The following WIPI2 variants were observed in gnomAD, a reference collection of about 807,000 sequenced individuals.
WIPI2 encodes the protein WD repeat domain, phosphoinositide interacting 2.
A neutral mutation model predicts 52.3 loss-of-function variants in WIPI2; 28 were observed. The observed-to-expected ratio is 0.54, with a 90% CI of 0.40 to 0.73. WIPI2 has a LOEUF of 0.73. Among genes scored for constraint, WIPI2 ranks in the 30% least tolerant of loss-of-function variants. The pLI is 0.00. For synonymous variants in WIPI2, 268 were observed against 245.0 expected (o/e 1.09, Z -0.88); for missense variants, 506 against 602.9 (o/e 0.84, Z 1.68).
chr7:5,200,857 A>T (rs4526271), intron 3 of WIPI2, among the ~76,000 whole-genome samples: 3 of 152,082 alleles, frequency 2.0e-5, no homozygotes, highest in Admixed American at 6.5e-5. Context: ...GCAAGTACCC[A>T]GGCCCTTTGC....
At chr7:5,226,026 C>T (rs536882763) in intron 9 of WIPI2, 96 bp downstream of exon 9, 4 of 1,232,580 alleles carry the variant, frequency 3.2e-6, no homozygotes, top group Non-Finnish European at 3.4e-6. Flanking sequence ...CGCCCACCCT[C>T]TGACATCGTT....
intron 4 of WIPI2, chr7:5,216,170 C>A (rs942151560): frequency 4.0e-5 from 7 of 173,446 alleles, no homozygotes; most frequent in Non-Finnish European, 6.3e-5. Context: ...GCATGGTGTT[C>A]TAGAAGGAAC....
chr7:5,200,453 G>A (rs896883271), intron 3 of WIPI2, among the ~76,000 whole-genome samples: 3 of 152,152 alleles, frequency 2.0e-5, no homozygotes, highest in Admixed American at 2.0e-4. Context: ...CAAAGCCCCA[G>A]TGTAATATCA....
At position 5,217,552 on chromosome 7, in the gene WIPI2, C is replaced by A. The variant is rs186916571; in HGVS notation, c.576+365C>A. On this transcript the variant is annotated intron_variant, in intron 6 of 12. Coordinates refer to ENST00000288828, the MANE Select transcript of WIPI2 (RefSeq NM_015610.4). ...CCTTAAGCCATCCTCCCGCCTCGGC[C>A]CCCTAAAGTGCTGGGACTACAGGCG... The A allele has an allele frequency of 1.5e-4, 60 of 397,470 alleles. No individual in the cohort carries two copies. In the Middle Eastern group the frequency reaches 3.1e-3, roughly 21 times the overall value. The allele number at this position is 397,470 out of a possible 1,614,324, so 24.6% of individuals were successfully genotyped here.
rs1158859639 is a variant in WIPI2 at position 5,216,552 on chromosome 7, C to T, written c.382-11C>T. ...TGCTTCACGTTTGGTTTCGTTTTGT[C>T]TCTCGCCTAGAGGCTGATAGTATGC... On this transcript the variant is annotated splice_polypyrimidine_tract_variant and intron_variant, in intron 4 of 12. Transcript: ENST00000288828. 2 of 1,613,676 alleles carry T rather than the reference C, an allele frequency of 1.2e-6. No individual in the cohort carries two copies. Among genetic ancestry groups the T allele is most frequent in the African/African-American group, 1.3e-5 (1 of 74,924 alleles).
intron 2 of WIPI2, 118 bp downstream of exon 2, chr7:5,193,289 C>G: frequency 6.5e-7 from 1 of 1,531,382 alleles, no homozygotes; most frequent in South Asian, 1.3e-5. Context: ...TCACTTGAAT[C>G]TGAAATGGAA....
chr7:5,218,174 C>G (rs1007289798), intron 7 of WIPI2, 160 bp downstream of exon 7: 3 of 651,796 alleles, frequency 4.6e-6, no homozygotes, highest in South Asian at 1.8e-5. Context: ...GTGTACTGCC[C>G]GAGAGTGAGC....
At chr7:5,208,787 T>C (rs998517516) in intron 3 of WIPI2, among the ~76,000 whole-genome samples, 4 of 152,182 alleles carry the variant, frequency 2.6e-5, no homozygotes, top group Non-Finnish European at 5.9e-5. Context: ...TCTTCAACTT[T>C]GTTCTTTTTC....
chr7:5,194,399 G>C (rs1781640232), intron 2 of WIPI2, among the ~76,000 whole-genome samples: 1 of 152,190 alleles, frequency 6.6e-6, no homozygotes, highest in Non-Finnish European at 1.5e-5. Flanking sequence ...TTTACGGACT[G>C]ACGATTAGGG....
rs535740398 is a variant in WIPI2 at position 5,227,719 on chromosome 7, T to C, written c.1013+375T>C. Among the ~76,000 whole-genome samples, 37 of 152,124 alleles carry C rather than the reference T, an allele frequency of 2.4e-4. No individual in the cohort carries two copies. The East Asian group carries it at 6.8e-3, about 28-fold the overall frequency. ...AGAACACACACAGGGCCTGTGGAGG[T>C]TCTGTGCTGCGTGCGGGAAAGATTG... On this transcript the variant is annotated intron_variant, in intron 10 of 12. Coordinates refer to ENST00000288828, the MANE Select transcript of WIPI2 (RefSeq NM_015610.4). This position sits in a 1 kb window ranked among gnomAD's most constrained non-coding sequence, Gnocchi z 8.1.
chr7:5,227,399 C>T lies in WIPI2; in HGVS notation c.1013+55C>T, dbSNP rs890278181. Reference sequence around the variant, plus strand: ...CCCCGTGTGCCTCAGGCCGAGGGGCCCAGTCCTGGCGGCTTGTGGCCCCTT... The same window carrying T: ...CCCCGTGTGCCTCAGGCCGAGGGGCTCAGTCCTGGCGGCTTGTGGCCCCTT... On this transcript the variant is annotated intron_variant, in intron 10 of 12. Transcript: ENST00000288828. This position sits in a 1 kb window ranked among gnomAD's most constrained non-coding sequence, Gnocchi z 8.1. 11 of 1,588,476 alleles carry T rather than the reference C, an allele frequency of 6.9e-6. No individual in the cohort carries two copies. In the African/African-American group the frequency reaches 8.1e-5, roughly 12 times the overall value.
intron 7 of WIPI2, 89 bp from the exon 8 acceptor site, chr7:5,222,513 C>T (rs914030619): frequency 6.1e-5 from 82 of 1,338,738 alleles, no homozygotes; most frequent in East Asian, 1.4e-4. Context: ...TGGAGATAGC[C>T]GTGTGGCGCA....
At chr7:5,200,781 C>A (rs1459774025) in intron 3 of WIPI2, among the ~76,000 whole-genome samples, 2 of 152,172 alleles carry the variant, frequency 1.3e-5, no homozygotes, top group African/African-American at 4.8e-5. Context: ...TGCAGGTGCC[C>A]CTCACCTCCA....
At chr7:5,190,872 C>A (rs1266554444) in intron 1 of WIPI2, 1 of 178,840 alleles carries the variant, frequency 5.6e-6, no homozygotes, top group East Asian at 1.4e-4. Flanking sequence ...CCTCTCGTCT[C>A]CTCTTCCCGC....
At chr7:5,201,445 C>A (rs910453327) in intron 3 of WIPI2, among the ~76,000 whole-genome samples, 4 of 152,182 alleles carry the variant, frequency 2.6e-5, no homozygotes, top group African/African-American at 9.7e-5. Flanking sequence ...TTGATAGTAT[C>A]TTTTAGAGTG....
At chr7:5,195,849 GC>G (rs2115200208) in intron 2 of WIPI2, among the ~76,000 whole-genome samples, 1 of 151,458 alleles carries the variant, frequency 6.6e-6, no homozygotes, top group African/African-American at 2.4e-5. Context: ...GACCAGCCTG[GC>G]CAAGATGGTG....
intron 7 of WIPI2, 110 bp downstream of exon 7, chr7:5,218,124 G>T: frequency 8.3e-7 from 1 of 1,201,222 alleles, no homozygotes; most frequent in South Asian, 1.3e-5. Flanking sequence ...ACCAGCTCCG[G>T]GAGAAGCAAA....
In WIPI2 at chr7:5,203,094, A is replaced by G. The variant is rs371722817; in HGVS notation, c.211+3436A>G. Among the ~76,000 whole-genome samples, 65 of 152,356 alleles carry G rather than the reference A, an allele frequency of 4.3e-4. No individual in the cohort carries two copies. The South Asian group carries it at 9.3e-3, about 22-fold the overall frequency. On this transcript the variant is annotated intron_variant, in intron 3 of 12. Coordinates refer to ENST00000288828, the MANE Select transcript of WIPI2 (RefSeq NM_015610.4). The stretch of plus-strand genomic sequence containing the variant: ...ATTATGGAAGTGTAGCTGTTGACAT[A>G]TAACATCTTTTATCAACCTTCCTGC...
intron 11 of WIPI2, among the ~76,000 whole-genome samples, chr7:5,228,414 C>G (rs985454275): frequency 6.6e-6 from 1 of 152,232 alleles, no homozygotes; most frequent in Admixed American, 6.5e-5. Context: ...CCCCGGGCTG[C>G]GGCTGGTGGC....
Sources: gnomAD v4.1 joint callset for allele counts (sites outside exome capture counted in the v4.1 genomes callset) on GRCh38, gnomAD v4.1.1 for gene constraint, Gnocchi (gnomAD v3.1) non-coding constraint, MANE v1.5 for transcripts, NCBI Gene and HGNC (gene_info 2026-07-23, HGNC 2026-07-21) for gene names.